The following MYCBP2 variants were observed in gnomAD, a reference collection of about 807,000 sequenced individuals.
MYCBP2 encodes the protein MYC binding protein 2.
MYCBP2 carries 120 observed loss-of-function variants against 525.3 expected under a neutral mutation model. That is an observed-to-expected ratio of 0.23 (90% CI 0.20 to 0.27). The LOEUF (loss-of-function observed/expected upper bound fraction) is 0.27, where lower values mean the gene tolerates loss of function less well. MYCBP2 is among the 10% of genes least tolerant of loss of function. MYCBP2 has a pLI of 1.00. For missense variants in MYCBP2, 4,149 were observed against 5,657.1 expected, an observed-to-expected ratio of 0.73 and a Z score of 8.55; for synonymous variants, 1,894 against 1,955.8, an observed-to-expected ratio of 0.97 and a Z score of 0.83.
rs1423835564 is a variant in MYCBP2 at position 77,171,487 on chromosome 13, A to G, written c.5794+5T>C. 1.2e-6 allele frequency: 2 copies of G among 1,605,918 alleles called. No individual in the cohort carries two copies. Among genetic ancestry groups the G allele is most frequent in the East Asian group, 2.2e-5 (1 of 44,838 alleles). ...ATATGACTACTGAGAAAGAAAAAAT[A>G]TTACCATCCACAGCAAGAGCTCTGT... On this transcript the variant is annotated splice_donor_5th_base_variant and intron_variant, in intron 38 of 82. Coordinates refer to ENST00000544440, the MANE Select transcript of MYCBP2 (RefSeq NM_015057.5).
chr13:77,251,289 T>A lies in MYCBP2; in HGVS notation c.2243A>T (p.Asp748Val). 1 of 1,614,234 alleles carries A rather than the reference T, an allele frequency of 6.2e-7. No homozygotes were observed. The highest frequency in any genetic ancestry group is 1.1e-5 in the South Asian group (1 of 91,088). ...TGGAGGGCACATCATAGACTTCTCA[T>A]CTTTTTCATCTAGTTCTTCTTCCAG... ...EDLEEELDEK[D>V]EKSMMCPPGM... The change falls in exon 15 of 83, where the codon GAT becomes GTT. Residue 748 changes from aspartate to valine, a missense_variant. Physicochemically the swap from Asp to Val is radical, Grantham distance 152. This residue lies in a region of MYCBP2 where 620 missense variants were observed against 795.5 expected (regional missense o/e 0.78). Transcript: ENST00000544440.
rs78588845 is a variant in MYCBP2, at chr13:77,274,698, T to G, written c.749-1030A>C. On this transcript the variant is annotated intron_variant, in intron 4 of 82. Coordinates refer to ENST00000544440, the MANE Select transcript of MYCBP2 (RefSeq NM_015057.5). ...CACTTTTCCCTATCTCATCATCATCTTTCCAATCCATGCTATCATCATCTC... is the reference window on the plus strand; with the variant it reads ...CACTTTTCCCTATCTCATCATCATCGTTCCAATCCATGCTATCATCATCTC... Among the ~76,000 whole-genome samples, 955 of 152,292 alleles carry G rather than the reference T, an allele frequency of 6.3e-3. 10 individuals are homozygous for G. The highest frequency in any genetic ancestry group is 0.014 in the Middle Eastern group (4 of 294).
At chr13:77,188,833 C>A in intron 30 of MYCBP2, 118 bp downstream of exon 30, 1 of 572,608 alleles carries the variant, frequency 1.7e-6, no homozygotes, top group Non-Finnish European at 2.8e-6. Context: ...AATACAAAAC[C>A]AAATCTGAGT....
At chr13:77,296,712 G>A (rs2078224344) in intron 1 of MYCBP2, 38 bp from the exon 2 acceptor site, 3 of 1,242,880 alleles carry the variant, frequency 2.4e-6, no homozygotes, top group Non-Finnish European at 3.3e-6. Flanking sequence ...AAATATGAAT[G>A]TTCATATTAG....
At chr13:77,288,501 G>T in intron 2 of MYCBP2, 125 bp from the exon 3 acceptor site, 1 of 829,788 alleles carries the variant, frequency 1.2e-6, no homozygotes, top group Non-Finnish European at 1.9e-6. Context: ...ACACAGCAGA[G>T]ACAGTCTAAG....
intron 50 of MYCBP2, 82 bp downstream of exon 50, chr13:77,140,764 A>G: frequency 1.1e-6 from 1 of 935,442 alleles, no homozygotes; most frequent in South Asian, 1.4e-5. Flanking sequence ...GTAAAATGTT[A>G]GATGTTTACT....
At chr13:77,308,007 T>C (rs1246027654) in intron 1 of MYCBP2, among the ~76,000 whole-genome samples, 2 of 152,218 alleles carry the variant, frequency 1.3e-5, no homozygotes, top group African/African-American at 2.4e-5. Flanking sequence ...TTCACTTCTA[T>C]ACTGGTTAGT....
At chr13:77,199,035 G>A (rs563075507) in intron 26 of MYCBP2, among the ~76,000 whole-genome samples, 4 of 152,234 alleles carry the variant, frequency 2.6e-5, no homozygotes, top group African/African-American at 7.2e-5. Flanking sequence ...AGGGGGGGAG[G>A]AGGCAAGATG....
At chr13:77,195,038 G>A (rs1241147715) in intron 26 of MYCBP2, among the ~76,000 whole-genome samples, 4 of 150,166 alleles carry the variant, frequency 2.7e-5, no homozygotes, top group Admixed American at 2.7e-4. Context: ...TTTTTTTTAA[G>A]AAAACCTTTT....
chr13:77,303,916 G>A lies in MYCBP2; in HGVS notation c.303-7242C>T, dbSNP rs192118702. Reference sequence around the variant, plus strand: ...TGAAATGGAAAGCAGACATTCAATAGAGGTTATCAGGGAGCCAAAAATTGG... The same window carrying A: ...TGAAATGGAAAGCAGACATTCAATAAAGGTTATCAGGGAGCCAAAAATTGG... On this transcript the variant is annotated intron_variant, in intron 1 of 82. Coordinates refer to ENST00000544440, the MANE Select transcript of MYCBP2 (RefSeq NM_015057.5). Among the ~76,000 whole-genome samples the A allele has an allele frequency of 1.9e-3, 286 of 152,282 alleles. 1 individual carries two copies. Among genetic ancestry groups the A allele is most frequent in the African/African-American group, 6.7e-3 (279 of 41,568 alleles).
chr13:77,144,333 T>C, intron 49 of MYCBP2, 112 bp downstream of exon 49: 1 of 702,322 alleles, frequency 1.4e-6, no homozygotes, highest in Non-Finnish European at 2.5e-6. Flanking sequence ...AAATAAGTTA[T>C]GAAACCTATC....
chr13:77,193,024 G>A (rs1489323973), intron 27 of MYCBP2, among the ~76,000 whole-genome samples: 5 of 152,160 alleles, frequency 3.3e-5, no homozygotes, highest in Non-Finnish European at 5.9e-5. Flanking sequence ...AACTACTCAG[G>A]AGGCTGAGGC....
chr13:77,206,601 CT>C (rs2063369915), intron 24 of MYCBP2, 51 bp downstream of exon 24: 1 of 1,433,180 alleles, frequency 7.0e-7, no homozygotes, highest in Non-Finnish European at 9.2e-7. Flanking sequence ...AAAAAAAACC[CT>C]GGACAGCACA....
At position 77,282,829 on chromosome 13, in the gene MYCBP2, A is replaced by G. The variant is rs8002400; in HGVS notation, c.595-3918T>C. 9.9e-3 allele frequency among the ~76,000 whole-genome samples: 1,510 copies of G among 152,318 alleles called. 24 individuals carry two copies. Among genetic ancestry groups the G allele is most frequent in the African/African-American group, 0.034 (1,425 of 41,556 alleles). On this transcript the variant is annotated intron_variant, in intron 3 of 82. Coordinates refer to ENST00000544440, the MANE Select transcript of MYCBP2 (RefSeq NM_015057.5). ...AGGCCCTCACCACACAAAACCTTTA[A>G]GAATATCTTTAGATTCTGCCTTCTT...
At chr13:77,185,842 T>C in intron 31 of MYCBP2, 29 bp downstream of exon 31, 2 of 1,480,052 alleles carry the variant, frequency 1.4e-6, no homozygotes, top group South Asian at 1.4e-5. Context: ...ATTTTCTCCC[T>C]ATAGTCATTT....
chr13:77,181,025 T>C lies in MYCBP2; in HGVS notation c.4941+676A>G, dbSNP rs140029202. 1.8e-4 allele frequency among the ~76,000 whole-genome samples: 27 copies of C among 152,372 alleles called. No individual in the cohort carries two copies. In the East Asian group the frequency reaches 5.2e-3, roughly 29 times the overall value. The stretch of plus-strand genomic sequence containing the variant: ...AACTGTAGTCTGTGTAAATCACTTT[T>C]TTAACAAAATTCTTTTTGTACACAC... On this transcript the variant is annotated intron_variant, in intron 33 of 82. Coordinates refer to ENST00000544440, the MANE Select transcript of MYCBP2 (RefSeq NM_015057.5).
At chr13:77,233,681 A>G (rs889445427) in intron 17 of MYCBP2, among the ~76,000 whole-genome samples, 1 of 152,134 alleles carries the variant, frequency 6.6e-6, no homozygotes, top group African/African-American at 2.4e-5. Context: ...TAATTTTTAA[A>G]TTAACCATTA....
chr13:77,050,138 C>G (rs1472844533), intron 82 of MYCBP2, among the ~76,000 whole-genome samples: 1 of 151,870 alleles, frequency 6.6e-6, no homozygotes, highest in East Asian at 1.9e-4. Flanking sequence ...TTTTTACTGT[C>G]CTCACATTTG....
intron 2 of MYCBP2, among the ~76,000 whole-genome samples, chr13:77,288,713 T>A (rs2077151618): frequency 6.6e-6 from 1 of 152,224 alleles, no homozygotes; most frequent in Non-Finnish European, 1.5e-5. Flanking sequence ...TACGACTTCC[T>A]AAGAGACTCT....
Sources: gnomAD v4.1 joint callset for allele counts (sites outside exome capture counted in the v4.1 genomes callset) on GRCh38, gnomAD v4.1.1 for gene constraint, gnomAD v4.1.1 regional missense constraint, MANE v1.5 for transcripts, NCBI Gene and HGNC (gene_info 2026-07-23, HGNC 2026-07-21) for gene names.